MCM3AP: variants seen among roughly 807,000 people sequenced by gnomAD.
MCM3AP encodes minichromosome maintenance complex component 3 associated protein, also known as germinal-center associated nuclear protein.
In MCM3AP, 126 loss-of-function variants were observed where a neutral mutation model predicts 184.1. That is an observed-to-expected ratio of 0.68 (90% confidence interval 0.59 to 0.79). The LOEUF (loss-of-function observed/expected upper bound fraction) is 0.79. MCM3AP is among the 30% of genes least tolerant of loss of function. MCM3AP has a pLI of 0.00. For missense variants in MCM3AP, 2,496 were observed against 2,479.2 expected (o/e 1.01, Z -0.14); for synonymous variants, 1,002 against 979.3 (o/e 1.02, Z -0.43).
chr21:46,257,424 G>A (rs1032809495), intron 16 of MCM3AP, among the ~76,000 whole-genome samples: 21 of 129,042 alleles, frequency 1.6e-4, no homozygotes, highest in African/African-American at 5.6e-4. Flanking sequence ...GCAGTGAGCC[G>A]AGATCACACC....
rs17176604 is a variant in MCM3AP, at chr21:46,257,087, A to T, written c.3735-101T>A. The stretch of plus-strand genomic sequence containing the variant: ...CAGGCATGGGGAAGGAAGGACATCA[A>T]ATGAGTGTGGTGAGCAATGAAACTA... On this transcript the variant is annotated intron_variant, in intron 16 of 27. Transcript: ENST00000291688. 0.016 allele frequency: 23,068 copies of T among 1,473,792 alleles called. 426 individuals carry two copies. Among genetic ancestry groups the T allele is most frequent in the African/African-American group, 0.065 (4,643 of 71,272 alleles). 91.3% of individuals were successfully genotyped at this position (1,473,792 alleles called of 1,614,324 possible).
Position 46,265,302 on chromosome 21 carries a change from AG to A in MCM3AP, c.3234+18del. ...AATGGGCTTCCCAGAGTCCAGACCT[AG>A]AAAAAAAGAGTCCCTACCTCGTCAG... On this transcript the variant is annotated intron_variant, in intron 12 of 27. Transcript: ENST00000291688. The A allele has an allele frequency of 6.2e-7, 1 of 1,612,042 alleles. No homozygotes were observed.
chr21:46,243,871 C>T (rs746617539), intron 23 of MCM3AP, 149 bp from the exon 24 acceptor site: 96 of 737,974 alleles, frequency 1.3e-4, no homozygotes, highest in Admixed American at 3.9e-4. Flanking sequence ...GGGGGAAGAG[C>T]AGCTTGCTCC....
At chr21:46,260,767 C>T in intron 15 of MCM3AP, 26 bp downstream of exon 15, 1 of 1,531,602 alleles carries the variant, frequency 6.5e-7, no homozygotes, top group Non-Finnish European at 9.1e-7. Flanking sequence ...TCTCCTGGCA[C>T]AGCAAGACAC....
At chr21:46,235,483 T>A in intron 27 of MCM3AP, 57 bp from the exon 28 acceptor site, 1 of 1,462,352 alleles carries the variant, frequency 6.8e-7, no homozygotes, top group Middle Eastern at 1.7e-4. Flanking sequence ...CCACGACCTA[T>A]CTCTGGGAAG....
chr21:46,236,834 G>A lies in MCM3AP; in HGVS notation c.5779C>T (p.Pro1927Ser). The A allele has an allele frequency of 6.5e-7, 1 of 1,549,622 alleles. No individual in the cohort carries two copies. The highest frequency in any genetic ancestry group is 8.7e-7 in the Non-Finnish European group (1 of 1,155,400). ...PVMKTSVTTS[P>S]QSDMMREQLQ... Reference sequence around the variant, plus strand: ...AATGTATACGTTCTTCTCACCTGTGGGCTAGTAGTTACAGATGTTTTCATC... The same window carrying A: ...AATGTATACGTTCTTCTCACCTGTGAGCTAGTAGTTACAGATGTTTTCATC... The change falls in exon 27 of 28, where the codon CCA becomes TCA. Residue 1927 changes from proline to serine, a missense_variant. Physicochemically the swap from Pro to Ser is moderately conservative, Grantham distance 74 (BLOSUM62 -1). Around this residue, in one of 5 missense-constraint regions of MCM3AP, gnomAD observed 1,323 missense variants for 1,273.4 expected, o/e 1.04. Transcript: ENST00000291688.
At chr21:46,270,117 T>C in intron 9 of MCM3AP, 1 of 277,802 alleles carries the variant, frequency 3.6e-6, no homozygotes, top group Non-Finnish European at 6.7e-6. Flanking sequence ...TTAGCTTTCA[T>C]GGATGATGAT....
intron 13 of MCM3AP, among the ~76,000 whole-genome samples, chr21:46,261,781 T>C (rs1474683399): frequency 2.0e-5 from 3 of 147,402 alleles, no homozygotes; most frequent in African/African-American, 7.5e-5. Flanking sequence ...AGCCAAGTCA[T>C]TGACAAGGGA....
chr21:46,249,250 C>T (rs1014450754), intron 20 of MCM3AP, among the ~76,000 whole-genome samples: 1 of 152,146 alleles, frequency 6.6e-6, no homozygotes, highest in African/African-American at 2.4e-5. Context: ...TGCAGTGGTG[C>T]GATCACGGCT....
At position 46,256,831 on chromosome 21, in the gene MCM3AP, A is replaced by G; in HGVS notation, c.3890T>C (p.Leu1297Pro). ...IAEENLARGLLDLGHAGRLGI... is the reference protein window; with the variant it reads ...IAEENLARGLPDLGHAGRLGI... ...CAATCTCCCTGCATGGCCCAGGTCC[A>G]GGAGGCCCCTGGCCAGGTTCTCTTC... The change falls in exon 17 of 28, where the codon CTG becomes CCG. Residue 1297 changes from leucine (L) to proline (P), a missense_variant. Transcript: ENST00000291688. 1 of 1,567,008 alleles carries G rather than the reference A, an allele frequency of 6.4e-7. No individual in the cohort carries two copies. The highest frequency in any genetic ancestry group is 1.2e-5 in the South Asian group (1 of 85,494).
chr21:46,245,226 C>G, intron 22 of MCM3AP, 29 bp from the exon 23 acceptor site: 1 of 1,571,994 alleles, frequency 6.4e-7, no homozygotes, highest in South Asian at 1.2e-5. Flanking sequence ...CTTGGTTGAA[C>G]AATTCACACT....
intron 9 of MCM3AP, chr21:46,267,627 A>G (rs976934766): frequency 2.6e-5 from 4 of 154,452 alleles, no homozygotes; most frequent in Admixed American, 6.4e-5. Flanking sequence ...GCAGTAGCTC[A>G]TACCTGTAAT....
chr21:46,281,511 G>A (rs1465433313), intron 2 of MCM3AP, among the ~76,000 whole-genome samples: 1 of 152,076 alleles, frequency 6.6e-6, no homozygotes, highest in Non-Finnish European at 1.5e-5. Flanking sequence ...CATTGCAACA[G>A]GCAAAAAATA....
chr21:46,260,722 T>C (rs8128075), intron 15 of MCM3AP, 71 bp downstream of exon 15: 1 of 1,089,134 alleles, frequency 9.2e-7, no homozygotes, highest in Non-Finnish European at 1.4e-6. Flanking sequence ...TCCTCAGTGG[T>C]GCAAGACACA....
At position 46,267,842 on chromosome 21, in the gene MCM3AP, A is replaced by G. The variant is rs1252621333; in HGVS notation, c.2629-700T>C. ...AGCCCAAGAGGTTGAGGCTGCAGTA[A>G]GCCTTGATCACACCACTGCACTCCA... On this transcript the variant is annotated intron_variant, in intron 9 of 27. Transcript: ENST00000291688. 2.6e-5 allele frequency: 4 copies of G among 152,330 alleles called. No individual in the cohort carries two copies. In the East Asian group the frequency reaches 7.7e-4, roughly 29 times the overall value. 9.4% of individuals were successfully genotyped at this position (152,330 alleles called of 1,614,324 possible). A position where few individuals can be genotyped will look rare whatever the true frequency, so the allele number is the denominator to read the frequency against.
intron 26 of MCM3AP, among the ~76,000 whole-genome samples, chr21:46,240,221 C>G (rs1197753386): frequency 2.6e-5 from 4 of 152,128 alleles, no homozygotes; most frequent in Admixed American, 2.0e-4. Context: ...TGGTTCGTTT[C>G]CAGCAACAAG....
chr21:46,276,905 CTTAT>C (rs2081263838), intron 5 of MCM3AP, among the ~76,000 whole-genome samples: 1 of 151,860 alleles, frequency 6.6e-6, no homozygotes, highest in Admixed American at 6.6e-5. Context: ...ACCCAGCCTG[CTTAT>C]TTATTATTTA....
At chr21:46,261,222 T>G in intron 14 of MCM3AP, 58 bp downstream of exon 14, 2 of 1,604,302 alleles carry the variant, frequency 1.2e-6, no homozygotes, top group Non-Finnish European at 8.5e-7. Context: ...CTAGGGTCAG[T>G]TCTTGCCTGT....
At chr21:46,263,804 A>AAAAAAAAAAAAAAAAAAC (rs2081072662) in intron 13 of MCM3AP, among the ~76,000 whole-genome samples, 1 of 149,374 alleles carries the variant, frequency 6.7e-6, no homozygotes. Context: ...AAAAAAAAAA[A>AAAAAAAAAAAAAAAAAAC]AAAAAAAGAT....
Sources: gnomAD v4.1 joint callset for allele counts (sites outside exome capture counted in the v4.1 genomes callset) on GRCh38, gnomAD v4.1.1 for gene constraint, gnomAD v4.1.1 regional missense constraint, MANE v1.5 for transcripts, NCBI Gene and HGNC (gene_info 2026-07-23, HGNC 2026-07-21) for gene names.